PPP2R2B: variants seen among roughly 807,000 people sequenced by gnomAD.
The protein encoded by PPP2R2B is protein phosphatase 2 regulatory subunit Bbeta.
Under a neutral mutation model 46.0 loss-of-function variants are expected in PPP2R2B, and 5 were observed. The ratio of observed to expected loss-of-function variants is 0.11; its 90% CI spans 0.06 to 0.23. PPP2R2B has a LOEUF of 0.23. PPP2R2B is among the 10% of genes least tolerant of loss of function. The pLI is 1.00. For synonymous variants in PPP2R2B, 215 were observed against 206.7 expected, an observed-to-expected ratio of 1.04 and a Z score of -0.34; for missense variants, 367 against 575.0, an observed-to-expected ratio of 0.64 and a Z score of 3.70.
At chr5:146,765,743 C>T (rs529677901) in intron 2 of PPP2R2B, among the ~76,000 whole-genome samples, 21 of 152,280 alleles carry the variant, frequency 1.4e-4, no homozygotes, top group Admixed American at 7.8e-4. Flanking sequence ...GCATATTTCA[C>T]ACCACAGGAA....
At chr5:146,839,067 C>G (rs1287837344) in intron 2 of PPP2R2B, among the ~76,000 whole-genome samples, 3 of 152,192 alleles carry the variant, frequency 2.0e-5, no homozygotes, top group Non-Finnish European at 4.4e-5. Context: ...CTTATAACTT[C>G]CAATTAGAAG....
chr5:146,889,027 A>G lies in PPP2R2B; in HGVS notation c.79+166638T>C, dbSNP rs191066469. The stretch of plus-strand genomic sequence containing the variant: ...AGTAGAACATAATTTCCAGGGAGAG[A>G]GAAACGATTTTGTTCTCTGCTTTAT... On this transcript the variant is annotated intron_variant, in intron 1 of 8. Transcript: ENST00000336640. 1.8e-4 allele frequency among the ~76,000 whole-genome samples: 27 copies of G among 152,360 alleles called. No individual in the cohort carries two copies. In the East Asian group the frequency reaches 5.0e-3, roughly 28 times the overall value.
chr5:146,911,885 A>G (rs994446459), intron 1 of PPP2R2B, among the ~76,000 whole-genome samples: 5 of 152,336 alleles, frequency 3.3e-5, no homozygotes, highest in African/African-American at 1.2e-4. Flanking sequence ...TTTTCAGCAC[A>G]GTGGAGGACG....
Position 146,825,013 on chromosome 5 carries a change from C to T in PPP2R2B, c.70+52989G>A, listed in dbSNP as rs138652303. On this transcript the variant is annotated intron_variant, in intron 2 of 9. Coordinates refer to ENST00000394411, the MANE Select transcript of PPP2R2B (RefSeq NM_181675.4). ...TTCTGGGATTACAGGCGTGAGCCAC[C>T]GCACCCAGCCAAAAATCAATAATTT... 5.8e-3 allele frequency among the ~76,000 whole-genome samples: 882 copies of T among 152,172 alleles called. 7 individuals carry two copies. The highest frequency in any genetic ancestry group is 0.02 in the African/African-American group (848 of 41,522).
intron 2 of PPP2R2B, among the ~76,000 whole-genome samples, chr5:146,710,839 C>A (rs1052314158): frequency 4.6e-5 from 7 of 152,250 alleles, no homozygotes; most frequent in African/African-American, 1.7e-4. Context: ...CCTGTGCTAC[C>A]TGCTACCCAA....
chr5:146,811,446 C>T (rs549195292), intron 2 of PPP2R2B, among the ~76,000 whole-genome samples: 1 of 152,170 alleles, frequency 6.6e-6, no homozygotes, highest in Non-Finnish European at 1.5e-5. Flanking sequence ...GGTTTCTATT[C>T]TCCTGCCATT....
chr5:147,016,138 C>T (rs1754993424), intron 1 of PPP2R2B, among the ~76,000 whole-genome samples: 1 of 151,432 alleles, frequency 6.6e-6, no homozygotes, highest in Admixed American at 6.6e-5. Context: ...GAGTTCGAGA[C>T]CAGCCTGGGA....
chr5:147,021,784 T>C (rs888353144), intron 1 of PPP2R2B, among the ~76,000 whole-genome samples: 2 of 152,170 alleles, frequency 1.3e-5, no homozygotes, highest in Admixed American at 1.3e-4. Context: ...TTAACAATAT[T>C]CAGCATCATA....
At chr5:147,038,616 G>A (rs1756149630) in intron 1 of PPP2R2B, among the ~76,000 whole-genome samples, 2 of 152,130 alleles carry the variant, frequency 1.3e-5, no homozygotes, top group East Asian at 1.9e-4. Flanking sequence ...AACAAGGAAC[G>A]AATTATAATA....
intron 1 of PPP2R2B, among the ~76,000 whole-genome samples, chr5:146,931,748 CTAAT>C (rs370606225): frequency 2.0e-5 from 3 of 152,154 alleles, no homozygotes; most frequent in African/African-American, 4.8e-5. Flanking sequence ...TCTATGTGTT[CTAAT>C]TAGCCCCACC....
At chr5:146,653,383 T>C (rs780712038) in intron 5 of PPP2R2B, among the ~76,000 whole-genome samples, 1 of 152,192 alleles carries the variant, frequency 6.6e-6, no homozygotes, top group African/African-American at 2.4e-5. Context: ...AATTAGGTGT[T>C]GTAGGTGTTC....
At chr5:146,700,155 T>C (rs1779446527) in intron 3 of PPP2R2B, among the ~76,000 whole-genome samples, 1 of 152,200 alleles carries the variant, frequency 6.6e-6, no homozygotes, top group South Asian at 2.1e-4. Context: ...AAGCAGGCTT[T>C]AAATTGCTAG....
At chr5:146,765,132 C>T (rs1253202980) in intron 2 of PPP2R2B, among the ~76,000 whole-genome samples, 1 of 152,060 alleles carries the variant, frequency 6.6e-6, no homozygotes, top group Non-Finnish European at 1.5e-5. Context: ...TTCTTATATG[C>T]TATAGAAAAT....
intron 7 of PPP2R2B, among the ~76,000 whole-genome samples, chr5:146,609,175 AAAACTGGATATAGAAG>A (rs1772598366): frequency 6.6e-6 from 1 of 152,222 alleles, no homozygotes; most frequent in Admixed American, 6.5e-5. Flanking sequence ...AAACCCTCAA[AAAACTGGATATAGAAG>A]AAACGTACCT....
At chr5:146,885,076 T>C (rs1026116983) in intron 1 of PPP2R2B, among the ~76,000 whole-genome samples, 3 of 152,172 alleles carry the variant, frequency 2.0e-5, no homozygotes, top group African/African-American at 7.2e-5. Flanking sequence ...GTTCATATGA[T>C]GGCAAATTAT....
At chr5:146,910,703 A>AT (rs1276016688) in intron 1 of PPP2R2B, among the ~76,000 whole-genome samples, 2 of 152,210 alleles carry the variant, frequency 1.3e-5, no homozygotes, top group African/African-American at 4.8e-5. Context: ...AATACATTAC[A>AT]TTGTATTGTA....
intron 5 of PPP2R2B, among the ~76,000 whole-genome samples, chr5:146,655,747 G>C (rs568977966): frequency 2.0e-5 from 3 of 152,250 alleles, no homozygotes; most frequent in African/African-American, 7.2e-5. Context: ...ATCTTTCAGC[G>C]AGGGCGATCA....
intron 2 of PPP2R2B, among the ~76,000 whole-genome samples, chr5:146,767,213 T>TCTGAGGCAGGAGAATGGCGTGAACCCGGG (rs1754539357): frequency 6.6e-6 from 1 of 152,102 alleles, no homozygotes; most frequent in African/African-American, 2.4e-5. Context: ...AAGTGGCTCA[T>TCTGAGGCAGGAGAATGGCGTGAACCCGGG]ATCCTTCAAA....
At chr5:147,056,001 G>T, upstream of PPP2R2B, 2 of 1,314,684 alleles carry the variant, frequency 1.5e-6, no homozygotes, top group Non-Finnish European at 1.9e-6. Context: ...CTCTTCATTG[G>T]CTGAAGCTCC....
Sources: allele counts gnomAD v4.1 joint callset (sites outside exome capture counted in the v4.1 genomes callset), GRCh38; gene constraint gnomAD v4.1.1; transcripts MANE v1.5; gene names NCBI Gene and HGNC (gene_info 2026-07-23, HGNC 2026-07-21).